Variants in BAZ1A observed in about 807,000 individuals in gnomAD.
BAZ1A encodes bromodomain adjacent to zinc finger domain protein 1A.
In BAZ1A, 50 loss-of-function variants were observed where a neutral mutation model predicts 185.2. The observed-to-expected ratio is 0.27, with a 90% CI of 0.22 to 0.34. BAZ1A has a LOEUF of 0.34. BAZ1A is among the 10% of genes least tolerant of loss of function. The pLI is 1.00. For synonymous variants in BAZ1A, 571 were observed against 615.6 expected, an observed-to-expected ratio of 0.93 and a Z score of 1.07; for missense variants, 1,356 against 1,839.9, an observed-to-expected ratio of 0.74 and a Z score of 4.81.
intron 3 of BAZ1A, among the ~76,000 whole-genome samples, chr14:34,839,176 C>T (rs1194236216): frequency 2.0e-5 from 3 of 152,106 alleles, no homozygotes; most frequent in African/African-American, 4.8e-5. Context: ...AACTACAAAG[C>T]GGCAGAAATG....
At chr14:34,808,137 G>C (rs1319183547) in intron 5 of BAZ1A, among the ~76,000 whole-genome samples, 2 of 151,604 alleles carry the variant, frequency 1.3e-5, no homozygotes, top group African/African-American at 4.8e-5. Flanking sequence ...ATGCTATAGA[G>C]AGTAAATCAA....
At chr14:34,854,346 C>T (rs928372151) in intron 3 of BAZ1A, among the ~76,000 whole-genome samples, 3 of 152,030 alleles carry the variant, frequency 2.0e-5, no homozygotes, top group Non-Finnish European at 2.9e-5. Flanking sequence ...CGCTTGAACC[C>T]GGGACACAGA....
intron 25 of BAZ1A, among the ~76,000 whole-genome samples, chr14:34,755,144 T>C (rs11845768): frequency 2.4e-4 from 37 of 152,248 alleles, no homozygotes; most frequent in African/African-American, 7.0e-4. Flanking sequence ...CCATTGTCAG[T>C]TGTGACCAGA....
intron 16 of BAZ1A, among the ~76,000 whole-genome samples, chr14:34,780,942 A>G (rs1422506559): frequency 6.6e-6 from 1 of 152,204 alleles, no homozygotes; most frequent in East Asian, 1.9e-4. Flanking sequence ...GTAGTGGTCT[A>G]GGTGGCTGGC....
intron 12 of BAZ1A, among the ~76,000 whole-genome samples, chr14:34,788,695 T>C (rs1401981199): frequency 6.6e-6 from 1 of 152,062 alleles, no homozygotes; most frequent in Non-Finnish European, 1.5e-5. Flanking sequence ...ATAAAAGAGA[T>C]AAAAGATGCT....
intron 17 of BAZ1A, among the ~76,000 whole-genome samples, chr14:34,776,810 T>C (rs1879650896): frequency 6.6e-6 from 1 of 152,108 alleles, no homozygotes; most frequent in Admixed American, 6.6e-5. Flanking sequence ...CATGTAAGGA[T>C]ATAGCAAGAA....
At chr14:34,875,056 C>T (rs1476555413) in intron 1 of BAZ1A, 82 bp downstream of exon 1, 2 of 266,148 alleles carry the variant, frequency 7.5e-6, no homozygotes, top group South Asian at 3.2e-5. Context: ...TCGCCGCGGG[C>T]GGACCCCGGA....
At chr14:34,789,065 A>C (rs1007003289) in intron 12 of BAZ1A, among the ~76,000 whole-genome samples, 1 of 152,236 alleles carries the variant, frequency 6.6e-6, no homozygotes, top group Admixed American at 6.5e-5. Flanking sequence ...TACCAGACCT[A>C]ATCTAGCCCA....
chr14:34,827,718 A>C (rs1042569360), intron 3 of BAZ1A, among the ~76,000 whole-genome samples: 2 of 143,652 alleles, frequency 1.4e-5, no homozygotes, highest in African/African-American at 5.1e-5. Context: ...CTTGGCAACA[A>C]AGCAAGACTC....
intron 14 of BAZ1A, among the ~76,000 whole-genome samples, chr14:34,784,367 C>CCAAAGAAAAAAAAAAA (rs1225939081): frequency 1.3e-5 from 1 of 77,192 alleles, no homozygotes; most frequent in African/African-American, 6.1e-5. Flanking sequence ...GACTCTGTCT[C>CCAAAGAAAAAAAAAAA]AAAAAAAAAA....
intron 3 of BAZ1A, among the ~76,000 whole-genome samples, chr14:34,855,382 T>C (rs1397564112): frequency 1.3e-5 from 2 of 152,172 alleles, no homozygotes; most frequent in Non-Finnish European, 2.9e-5. Flanking sequence ...TATGTCTCTT[T>C]TCTTTTTCTG....
intron 20 of BAZ1A, 45 bp from the exon 21 acceptor site, chr14:34,771,704 T>C (rs771489423): frequency 1.9e-6 from 3 of 1,577,136 alleles, no homozygotes; most frequent in African/African-American, 2.7e-5. Context: ...AAAAACACTA[T>C]TAGGTAAAAC....
At position 34,786,099 on chromosome 14, in the gene BAZ1A, CAAAA is replaced by C. The variant is rs536883146; in HGVS notation, c.1606+23_1606+26del. On this transcript the variant is annotated intron_variant, in intron 13 of 26. Coordinates refer to ENST00000360310, the MANE Select transcript of BAZ1A (RefSeq NM_013448.3). ...ATAAAATTAAAAATAAAAAGCCAAA[CAAAA>C]AAAAAACAAAACCCACACATACCCT... is the stretch of plus-strand genomic sequence containing the variant. The C allele has an allele frequency of 2.2e-6, 3 of 1,340,270 alleles. No individual in the cohort carries two copies. The African/African-American group carries it at 4.6e-5, about 21-fold the overall frequency. The allele number at this position is 1,340,270 out of a possible 1,614,324, so 83.0% of individuals were successfully genotyped here.
chr14:34,788,830 G>A (rs1390786916), intron 12 of BAZ1A, among the ~76,000 whole-genome samples: 3 of 152,036 alleles, frequency 2.0e-5, no homozygotes, highest in Admixed American at 6.6e-5. Flanking sequence ...AAAATCACTA[G>A]GCTAATCTTC....
intron 4 of BAZ1A, among the ~76,000 whole-genome samples, chr14:34,812,731 T>C (rs1049850895): frequency 5.3e-5 from 8 of 152,240 alleles, no homozygotes; most frequent in East Asian, 1.9e-4. Flanking sequence ...AAGAGAAGCA[T>C]TGGCAATGAG....
chr14:34,812,400 T>C (rs1009057596), intron 4 of BAZ1A, among the ~76,000 whole-genome samples: 5 of 152,198 alleles, frequency 3.3e-5, no homozygotes, highest in African/African-American at 4.8e-5. Context: ...GTAGCAGCAG[T>C]GCCAGATTAT....
At chr14:34,788,352 G>A (rs769921826) in intron 12 of BAZ1A, among the ~76,000 whole-genome samples, 1 of 152,158 alleles carries the variant, frequency 6.6e-6, no homozygotes, top group South Asian at 2.1e-4. Context: ...TGCCCAGGCT[G>A]GAGTGCAGTG....
intron 3 of BAZ1A, 123 bp from the exon 4 acceptor site, chr14:34,826,279 T>A: frequency 3.4e-6 from 3 of 883,920 alleles, no homozygotes; most frequent in Non-Finnish European, 4.9e-6. Context: ...CTGATTGATT[T>A]AAACAATTTA....
intron 3 of BAZ1A, among the ~76,000 whole-genome samples, chr14:34,834,303 A>G: frequency 6.6e-6 from 1 of 152,260 alleles, no homozygotes; most frequent in East Asian, 1.9e-4. Context: ...GCCCAGGTGA[A>G]TGCCCCTTAA....
Sources: gnomAD v4.1 joint callset for allele counts (sites outside exome capture counted in the v4.1 genomes callset) on GRCh38, gnomAD v4.1.1 for gene constraint, MANE v1.5 for transcripts, NCBI Gene and HGNC (gene_info 2026-07-23, HGNC 2026-07-21) for gene names.